Variants in SDCCAG8 observed in about 807,000 individuals in gnomAD.
SDCCAG8 encodes SHH signaling and ciliogenesis regulator SDCCAG8, also known as serologically defined colon cancer antigen 8.
In SDCCAG8, 74 loss-of-function variants were observed where a neutral mutation model predicts 101.8. The ratio of observed to expected loss-of-function variants is 0.73; its 90% CI spans 0.60 to 0.88. The LOEUF (loss-of-function observed/expected upper bound fraction) is 0.88, where lower values mean the gene tolerates loss of function less well. Among genes scored for constraint, SDCCAG8 ranks in the 40% least tolerant of loss-of-function variants. SDCCAG8 has a pLI of 0.00. For missense variants in SDCCAG8, 787 were observed against 822.6 expected (o/e 0.96, Z 0.53); for synonymous variants, 281 against 292.9 (o/e 0.96, Z 0.41).
At chr1:243,350,972 A>G (rs2076053217) in intron 12 of SDCCAG8, among the ~76,000 whole-genome samples, 1 of 152,194 alleles carries the variant, frequency 6.6e-6, no homozygotes, top group Non-Finnish European at 1.5e-5. Context: ...GAAACCTAGC[A>G]CTTACAGATT....
chr1:243,393,579 G>A (rs1196199084), intron 13 of SDCCAG8, among the ~76,000 whole-genome samples: 2 of 152,216 alleles, frequency 1.3e-5, no homozygotes, highest in East Asian at 1.9e-4. Flanking sequence ...GAGAAAGGAA[G>A]AATTGTCCAT....
At chr1:243,289,499 T>C (rs999487975) in intron 5 of SDCCAG8, among the ~76,000 whole-genome samples, 9 of 152,220 alleles carry the variant, frequency 5.9e-5, no homozygotes, top group African/African-American at 2.2e-4. Flanking sequence ...CATATAGTAA[T>C]AACTAACATT....
At chr1:243,385,263 G>A (rs1001043440) in intron 13 of SDCCAG8, among the ~76,000 whole-genome samples, 5 of 152,052 alleles carry the variant, frequency 3.3e-5, no homozygotes, top group Middle Eastern at 3.4e-3. Flanking sequence ...GGTGGTGCGC[G>A]CCTATAGTCC....
chr1:243,442,804 G>C lies in SDCCAG8; in HGVS notation c.1985+16246G>C, dbSNP rs534906974. ...ACTACTTCTTTAGTGTCAATTCTTG[G>C]AACCACATCTTCTTCCTGATTTAAA... On this transcript the variant is annotated intron_variant, in intron 16 of 17. Coordinates refer to ENST00000366541, the MANE Select transcript of SDCCAG8 (RefSeq NM_006642.5). Among the ~76,000 whole-genome samples, 9 of 152,232 alleles carry C rather than the reference G, an allele frequency of 5.9e-5. No individual in the cohort carries two copies. In the South Asian group the frequency reaches 8.3e-4, roughly 14 times the overall value.
intron 12 of SDCCAG8, among the ~76,000 whole-genome samples, chr1:243,350,395 T>G (rs1433229762): frequency 6.6e-6 from 1 of 152,056 alleles, no homozygotes; most frequent in Non-Finnish European, 1.5e-5. Flanking sequence ...GTTGTTGTTT[T>G]TTAGTAGGGA....
chr1:243,339,169 G>A (rs2075236974), intron 10 of SDCCAG8, among the ~76,000 whole-genome samples: 1 of 152,094 alleles, frequency 6.6e-6, no homozygotes, highest in African/African-American at 2.4e-5. Context: ...GGCAGAGGGA[G>A]GAATCCTAAG....
At chr1:243,440,664 A>G (rs1330104767) in intron 16 of SDCCAG8, among the ~76,000 whole-genome samples, 1 of 152,230 alleles carries the variant, frequency 6.6e-6, no homozygotes, top group African/African-American at 2.4e-5. Flanking sequence ...TCAGTCAAAC[A>G]TAATGAATTA....
chr1:243,358,139 T>C (rs2147841631), intron 12 of SDCCAG8, among the ~76,000 whole-genome samples: 1 of 152,144 alleles, frequency 6.6e-6, no homozygotes, highest in Non-Finnish European at 1.5e-5. Context: ...AAGAACATTA[T>C]CAAGAAAAAA....
intron 6 of SDCCAG8, 137 bp from the exon 7 acceptor site, chr1:243,304,576 G>A: frequency 1.6e-6 from 1 of 624,920 alleles, no homozygotes; most frequent in South Asian, 2.0e-5. Flanking sequence ...GTGGACTAGG[G>A]AAAATATTTT....
intron 12 of SDCCAG8, among the ~76,000 whole-genome samples, chr1:243,349,937 C>G (rs887097476): frequency 6.6e-6 from 1 of 151,306 alleles, no homozygotes; most frequent in Non-Finnish European, 1.5e-5. Context: ...GCAATCAAAG[C>G]AAATATTCAG....
intron 13 of SDCCAG8, among the ~76,000 whole-genome samples, chr1:243,381,943 G>C (rs2077983571): frequency 6.6e-6 from 1 of 152,220 alleles, no homozygotes; most frequent in Non-Finnish European, 1.5e-5. Flanking sequence ...ACAGTGAAAA[G>C]GGATAGTCAG....
chr1:243,447,248 CAA>C (rs397830130), intron 16 of SDCCAG8, among the ~76,000 whole-genome samples: 104 of 41,370 alleles, frequency 2.5e-3, no homozygotes, highest in East Asian at 0.024. Context: ...GACTTCGTCT[CAA>C]AAAAAAAAAA....
At chr1:243,478,373 G>A (rs1268359833) in intron 16 of SDCCAG8, among the ~76,000 whole-genome samples, 1 of 152,210 alleles carries the variant, frequency 6.6e-6, no homozygotes, top group African/African-American at 2.4e-5. Context: ...TGAACTGAAT[G>A]TTCTCTAAGG....
At chr1:243,468,050 T>G (rs1285975017) in intron 16 of SDCCAG8, among the ~76,000 whole-genome samples, 2 of 152,178 alleles carry the variant, frequency 1.3e-5, no homozygotes, top group Non-Finnish European at 2.9e-5. Context: ...GCACAGGATT[T>G]TCCAGCCGTT....
intron 6 of SDCCAG8, among the ~76,000 whole-genome samples, chr1:243,303,607 T>G (rs2071770121): frequency 6.6e-6 from 1 of 152,194 alleles, no homozygotes; most frequent in Admixed American, 6.5e-5. Context: ...AAATACTATT[T>G]TCTTTTCCTT....
chr1:243,262,989 A>G (rs540255720), intron 1 of SDCCAG8, among the ~76,000 whole-genome samples: 2 of 152,224 alleles, frequency 1.3e-5, no homozygotes, highest in Non-Finnish European at 2.9e-5. Flanking sequence ...TATAACACCT[A>G]TTCCTGACAC....
intron 13 of SDCCAG8, among the ~76,000 whole-genome samples, chr1:243,390,633 G>A (rs542216076): frequency 1.4e-4 from 21 of 152,232 alleles, no homozygotes; most frequent in African/African-American, 4.6e-4. Flanking sequence ...TCTCCACTGG[G>A]GATGCACTCA....
chr1:243,333,885 T>G (rs1378721095), intron 10 of SDCCAG8, among the ~76,000 whole-genome samples: 1 of 152,174 alleles, frequency 6.6e-6, no homozygotes, highest in African/African-American at 2.4e-5. Flanking sequence ...AAGATTTAGG[T>G]GTCTTTAGCA....
At chr1:243,257,842 G>C (rs1271225517) in intron 1 of SDCCAG8, among the ~76,000 whole-genome samples, 1 of 152,166 alleles carries the variant, frequency 6.6e-6, no homozygotes, top group Non-Finnish European at 1.5e-5. Context: ...ACAATGATAT[G>C]AGTAATTGTA....
Sources: gnomAD v4.1 joint callset for allele counts (sites outside exome capture counted in the v4.1 genomes callset) on GRCh38, gnomAD v4.1.1 for gene constraint, MANE v1.5 for transcripts, NCBI Gene and HGNC (gene_info 2026-07-23, HGNC 2026-07-21) for gene names.